SCAPER: variants seen among roughly 807,000 people sequenced by gnomAD.
The protein encoded by SCAPER is S phase cyclin A-associated protein in the endoplasmic reticulum.
A neutral mutation model predicts 182.2 loss-of-function variants in SCAPER; 98 were observed. That is an observed-to-expected ratio of 0.54 (90% CI 0.46 to 0.64). The LOEUF (loss-of-function observed/expected upper bound fraction) is 0.64. SCAPER is among the 30% of genes least tolerant of loss of function. The probability of loss-of-function intolerance (pLI) is 0.00; values close to 1 mark genes in which losing one functional copy is unlikely to be tolerated. For synonymous variants in SCAPER, 605 were observed against 564.6 expected (o/e 1.07, Z -1.01); for missense variants, 1,432 against 1,690.0 (o/e 0.85, Z 2.68).
chr15:76,834,438 A>C (rs1157868949), intron 5 of SCAPER, among the ~76,000 whole-genome samples: 2 of 152,168 alleles, frequency 1.3e-5, no homozygotes, highest in Non-Finnish European at 2.9e-5. Flanking sequence ...ACCTAGAGGA[A>C]GTCAAAGAAA....
At chr15:76,613,631 C>T (rs1452319139) in intron 22 of SCAPER, among the ~76,000 whole-genome samples, 1 of 152,140 alleles carries the variant, frequency 6.6e-6, no homozygotes, top group Non-Finnish European at 1.5e-5. Flanking sequence ...AGAAGATACA[C>T]ATATGGCCAA....
intron 23 of SCAPER, among the ~76,000 whole-genome samples, chr15:76,568,803 C>CT (rs1197618709): frequency 6.6e-6 from 1 of 151,912 alleles, no homozygotes; most frequent in Non-Finnish European, 1.5e-5. Context: ...TACAAATAAA[C>CT]TGGGTAGAAA....
chr15:76,715,162 C>A (rs1241915397), intron 17 of SCAPER, among the ~76,000 whole-genome samples: 1 of 151,944 alleles, frequency 6.6e-6, no homozygotes. Context: ...ACAGTTGATA[C>A]CTCCCCCAGA....
chr15:76,606,196 G>A lies in SCAPER; in HGVS notation c.2711+15568C>T, dbSNP rs975045703. Reference sequence around the variant, plus strand: ...TCCCTCTACACACTGCTTTGAATGTGTCCCAGAGATTTTGGTATGTTGTGT... The same window carrying A: ...TCCCTCTACACACTGCTTTGAATGTATCCCAGAGATTTTGGTATGTTGTGT... On this transcript the variant is annotated intron_variant, in intron 22 of 31. Transcript: ENST00000563290. Among the ~76,000 whole-genome samples, 19 of 152,284 alleles carry A rather than the reference G, an allele frequency of 1.2e-4. 1 individual carries two copies. Among genetic ancestry groups the A allele is most frequent in the African/African-American group, 4.1e-4 (17 of 41,556 alleles).
intron 23 of SCAPER, among the ~76,000 whole-genome samples, chr15:76,570,217 C>A (rs2047338370): frequency 1.3e-5 from 2 of 152,138 alleles, no homozygotes; most frequent in Non-Finnish European, 1.5e-5. Flanking sequence ...GACTGGTGTA[C>A]TTCCTGTCTA....
At chr15:76,840,897 C>T (rs1345186750) in intron 5 of SCAPER, among the ~76,000 whole-genome samples, 1 of 152,202 alleles carries the variant, frequency 6.6e-6, no homozygotes, top group Non-Finnish European at 1.5e-5. Flanking sequence ...ACACACCTTA[C>T]AATGACATCC....
chr15:76,679,325 A>G (rs2057552446), intron 20 of SCAPER, among the ~76,000 whole-genome samples: 1 of 150,498 alleles, frequency 6.6e-6, no homozygotes, highest in African/African-American at 2.5e-5. Context: ...AAAATAAAAG[A>G]AAAAGACTGA....
intron 25 of SCAPER, among the ~76,000 whole-genome samples, chr15:76,436,505 A>C (rs1170870503): frequency 6.6e-6 from 1 of 151,840 alleles, no homozygotes; most frequent in Non-Finnish European, 1.5e-5. Context: ...TTGTTTCATC[A>C]ATTATATTTT....
At chr15:76,674,604 C>A (rs531639144) in intron 20 of SCAPER, among the ~76,000 whole-genome samples, 1 of 151,952 alleles carries the variant, frequency 6.6e-6, no homozygotes, top group Admixed American at 6.6e-5. Flanking sequence ...AACAACAGCT[C>A]TAATCATGAA....
intron 8 of SCAPER, among the ~76,000 whole-genome samples, chr15:76,779,361 G>A (rs1479233153): frequency 1.3e-5 from 2 of 151,954 alleles, no homozygotes; most frequent in East Asian, 3.8e-4. Flanking sequence ...AATTAAACAG[G>A]AACATTACTA....
intron 10 of SCAPER, among the ~76,000 whole-genome samples, chr15:76,768,395 C>T (rs1170472975): frequency 2.0e-5 from 3 of 152,114 alleles, no homozygotes; most frequent in Non-Finnish European, 2.9e-5. Context: ...CTGAGACAAA[C>T]TAAGACATGA....
At chr15:76,836,916 C>G (rs1452165084) in intron 5 of SCAPER, among the ~76,000 whole-genome samples, 6 of 151,936 alleles carry the variant, frequency 3.9e-5, no homozygotes, top group Non-Finnish European at 5.9e-5. Context: ...TGTAAAGCCT[C>G]AAATTATAAA....
intron 21 of SCAPER, among the ~76,000 whole-genome samples, chr15:76,654,444 T>G (rs1342865279): frequency 6.6e-6 from 1 of 152,004 alleles, no homozygotes; most frequent in African/African-American, 2.4e-5. Flanking sequence ...CTCATACCAC[T>G]AACAATGCTA....
intron 22 of SCAPER, among the ~76,000 whole-genome samples, chr15:76,586,031 T>C (rs1306785462): frequency 1.3e-5 from 2 of 152,112 alleles, no homozygotes; most frequent in African/African-American, 4.8e-5. Flanking sequence ...AGGTAAATGG[T>C]TTTGTGAATA....
chr15:76,507,014 C>A (rs986306770), intron 23 of SCAPER, among the ~76,000 whole-genome samples: 3 of 152,060 alleles, frequency 2.0e-5, no homozygotes, highest in African/African-American at 7.2e-5. Context: ...AGAATCAATG[C>A]AATATATATG....
intron 25 of SCAPER, among the ~76,000 whole-genome samples, chr15:76,439,757 G>A (rs571567820): frequency 6.6e-6 from 1 of 152,158 alleles, no homozygotes; most frequent in Non-Finnish European, 1.5e-5. Flanking sequence ...AGGGGCAGGG[G>A]AAGGTTACCT....
chr15:76,821,815 G>T (rs1397010981), intron 5 of SCAPER, among the ~76,000 whole-genome samples: 1 of 151,970 alleles, frequency 6.6e-6, no homozygotes, highest in Non-Finnish European at 1.5e-5. Context: ...AGGCTGAGGT[G>T]GGAGAATTTC....
chr15:76,728,524 A>T (rs1444933951), intron 17 of SCAPER, 71 bp downstream of exon 17: 1 of 1,594,430 alleles, frequency 6.3e-7, no homozygotes, highest in East Asian at 2.2e-5. Context: ...ACATGACAGT[A>T]AATGGCTTTA....
intron 21 of SCAPER, among the ~76,000 whole-genome samples, chr15:76,659,603 G>A (rs1424060180): frequency 1.3e-5 from 2 of 151,954 alleles, no homozygotes; most frequent in Non-Finnish European, 2.9e-5. Flanking sequence ...ACAAACACAT[G>A]GTCAACAAGC....
Sources: gnomAD v4.1 joint callset for allele counts (sites outside exome capture counted in the v4.1 genomes callset) on GRCh38, gnomAD v4.1.1 for gene constraint, MANE v1.5 for transcripts, NCBI Gene and HGNC (gene_info 2026-07-23, HGNC 2026-07-21) for gene names.